ISM1: variants seen among roughly 807,000 people sequenced by gnomAD.
ISM1 encodes the protein isthmin 1.
Under a neutral mutation model 46.3 loss-of-function variants are expected in ISM1, and 25 were observed. The ratio of observed to expected loss-of-function variants is 0.54; its 90% confidence interval spans 0.39 to 0.75. The LOEUF (loss-of-function observed/expected upper bound fraction) is 0.75. Ranked by LOEUF, ISM1 falls within the 30% of genes least tolerant of loss-of-function variation. The pLI is 0.00. For synonymous variants in ISM1, 255 were observed against 256.7 expected (o/e 0.99, Z 0.06); for missense variants, 536 against 625.4 (o/e 0.86, Z 1.52).
At position 13,249,036 on chromosome 20, in the gene ISM1, C is replaced by A. The variant is rs116343501; in HGVS notation, c.139-21468C>A. On this transcript the variant is annotated intron_variant, in intron 1 of 5. Coordinates refer to ENST00000262487, the MANE Select transcript of ISM1 (RefSeq NM_080826.2). ...CATCGTGGGCCAAGTTCAGGCCCCA[C>A]GTACATGTGGTCAGGTCAGGAGCCC... is the stretch of plus-strand genomic sequence containing the variant. Among the ~76,000 whole-genome samples, 912 of 152,282 alleles carry A rather than the reference C, an allele frequency of 6.0e-3. 9 individuals carry two copies. Among genetic ancestry groups the A allele is most frequent in the African/African-American group, 0.021 (853 of 41,554 alleles).
intron 1 of ISM1, among the ~76,000 whole-genome samples, chr20:13,256,060 C>T (rs1299887144): frequency 6.6e-6 from 1 of 151,948 alleles, no homozygotes; most frequent in Non-Finnish European, 1.5e-5. Context: ...GAGTTCGAAA[C>T]CCTGTGTCCT....
At chr20:13,326,097 C>T in the ISM1 span, among the ~76,000 whole-genome samples, 4 of 152,196 alleles carry the variant, frequency 2.6e-5, no homozygotes, top group Admixed American at 2.0e-4. Flanking sequence ...TTCTTTCGCT[C>T]AGCATAAGGC....
chr20:13,261,611 T>C (rs2039990646), intron 1 of ISM1, among the ~76,000 whole-genome samples: 1 of 152,166 alleles, frequency 6.6e-6, no homozygotes, highest in Non-Finnish European at 1.5e-5. Context: ...GACCCAGACC[T>C]TGAAACTCCT....
intron 5 of ISM1, 91 bp downstream of exon 5, chr20:13,292,554 A>T (rs2040364997): frequency 2.5e-6 from 2 of 801,164 alleles, no homozygotes; most frequent in East Asian, 5.3e-5. Context: ...ATCCACGTAA[A>T]TGTTTCATTT....
At chr20:13,270,882 C>A in intron 2 of ISM1, 139 bp downstream of exon 2, 2 of 784,716 alleles carry the variant, frequency 2.5e-6, no homozygotes, top group South Asian at 3.5e-5. Context: ...CATGTTATCT[C>A]CATAAGAACA....
At chr20:13,229,364 T>G (rs2039563634) in intron 1 of ISM1, among the ~76,000 whole-genome samples, 1 of 152,212 alleles carries the variant, frequency 6.6e-6, no homozygotes, top group African/African-American at 2.4e-5. Flanking sequence ...AATTTCTGGC[T>G]TCCATTACCG....
intron 1 of ISM1, among the ~76,000 whole-genome samples, chr20:13,237,119 C>T (rs6041969): frequency 0.15 from 22,499 of 152,154 alleles, 1,966 homozygotes; most frequent in East Asian, 0.41. Context: ...CCTGCCCCTG[C>T]AGCACACATG....
At chr20:13,258,883 T>C (rs1252254293) in intron 1 of ISM1, among the ~76,000 whole-genome samples, 12 of 152,158 alleles carry the variant, frequency 7.9e-5, no homozygotes, top group Admixed American at 2.6e-4. Context: ...TGGTTCCGGC[T>C]TGTCAGTGCA....
the ISM1 span, among the ~76,000 whole-genome samples, chr20:13,311,216 T>TGATAGATAGATAGATAGATA: frequency 0.043 from 5,646 of 132,690 alleles, 210 homozygotes; most frequent in Admixed American, 0.059. Context: ...TATAGATAGA[T>TGATAGATAGATAGATAGATA]GATAGATAGA....
chr20:13,295,753 G>A (rs2040400790), intron 5 of ISM1, among the ~76,000 whole-genome samples: 1 of 152,224 alleles, frequency 6.6e-6, no homozygotes, highest in Admixed American at 6.5e-5. Context: ...GGGAATCCCA[G>A]CAAAAGTTGC....
At chr20:13,267,612 G>A (rs1400727897) in intron 1 of ISM1, among the ~76,000 whole-genome samples, 1 of 152,168 alleles carries the variant, frequency 6.6e-6, no homozygotes, top group East Asian at 1.9e-4. Context: ...TAAGCCAGAA[G>A]CACTCTGTGG....
intron 1 of ISM1, among the ~76,000 whole-genome samples, chr20:13,260,470 G>T (rs1198466155): frequency 6.6e-6 from 1 of 152,212 alleles, no homozygotes; most frequent in Non-Finnish European, 1.5e-5. Flanking sequence ...CAGGTAGAAG[G>T]ATAGAGAGAA....
At chr20:13,265,265 C>A (rs2040030686) in intron 1 of ISM1, among the ~76,000 whole-genome samples, 1 of 152,116 alleles carries the variant, frequency 6.6e-6, no homozygotes, top group Non-Finnish European at 1.5e-5. Context: ...GTTTACAAGC[C>A]TTTTTTATTT....
At chr20:13,289,201 G>C (rs6109800) in intron 4 of ISM1, among the ~76,000 whole-genome samples, 62,683 of 151,966 alleles carry the variant, frequency 0.41, 14,051 homozygotes, top group African/African-American at 0.6. Flanking sequence ...ATGTCGCATT[G>C]TACTTATTTA....
chr20:13,222,722 T>C (rs1479461691), intron 1 of ISM1, among the ~76,000 whole-genome samples: 1 of 152,226 alleles, frequency 6.6e-6, no homozygotes, highest in Non-Finnish European at 1.5e-5. Flanking sequence ...GAGTTCTGAC[T>C]TAGGAATAGA....
chr20:13,260,152 T>A (rs1184868486), intron 1 of ISM1, among the ~76,000 whole-genome samples: 1 of 152,192 alleles, frequency 6.6e-6, no homozygotes, highest in African/African-American at 2.4e-5. Context: ...TACAGGCAGG[T>A]GGCAAAGGGA....
chr20:13,285,361 C>T (rs1374198054), intron 3 of ISM1, among the ~76,000 whole-genome samples: 1 of 152,154 alleles, frequency 6.6e-6, no homozygotes, highest in Non-Finnish European at 1.5e-5. Flanking sequence ...GAGTTCTCTC[C>T]CTCACAAGTC....
chr20:13,270,611 C>A lies in ISM1; in HGVS notation c.246C>A (p.Pro82=). 6.2e-7 allele frequency: 1 copy of A among 1,614,036 alleles called. No homozygotes were observed. The highest frequency in any genetic ancestry group is 8.5e-7 in the Non-Finnish European group (1 of 1,179,894). ...ACCAGGCTGCACACCAACCCTTCCC[C>A]AGACCGCGATTCCGACAAGAGACGG... The part of the protein sequence containing the change: ...LDHQAAHQPF[P]RPRFRQETGH... Residue 82 remains proline (P), a synonymous_variant, in exon 2 of 6, where the codon CCC becomes CCA. Coordinates refer to ENST00000262487, the MANE Select transcript of ISM1 (RefSeq NM_080826.2).
At chr20:13,258,742 C>T (rs531711215) in intron 1 of ISM1, among the ~76,000 whole-genome samples, 5 of 152,034 alleles carry the variant, frequency 3.3e-5, no homozygotes, top group East Asian at 1.9e-4. Context: ...GGAATTGTAT[C>T]GGGGAAAAAT....
Sources: allele counts gnomAD v4.1 joint callset (sites outside exome capture counted in the v4.1 genomes callset), GRCh38; gene constraint gnomAD v4.1.1; transcripts MANE v1.5; gene names NCBI Gene and HGNC (gene_info 2026-07-23, HGNC 2026-07-21).